The following TRAPPC6B variants were observed in gnomAD, a reference collection of about 807,000 sequenced individuals.
The protein encoded by TRAPPC6B is trafficking protein particle complex subunit 6B.
TRAPPC6B carries 27 observed loss-of-function variants against 24.7 expected under a neutral mutation model. That is an observed-to-expected ratio of 1.09 (90% CI 0.81 to 1.51). TRAPPC6B has a LOEUF of 1.51. Among genes scored for constraint, TRAPPC6B ranks in the 40% most tolerant of loss-of-function variants. The pLI is 0.00. For synonymous variants in TRAPPC6B, 80 were observed against 66.6 expected (o/e 1.20, Z -0.98); for missense variants, 212 against 190.8 (o/e 1.11, Z -0.66).
chr14:39,154,983 G>A (rs1369288134), intron 3 of TRAPPC6B, among the ~76,000 whole-genome samples: 6 of 151,966 alleles, frequency 3.9e-5, no homozygotes, highest in Non-Finnish European at 7.4e-5. Context: ...GCTGGAGTGT[G>A]GTGGTGCAAT....
At chr14:39,154,137 G>T in intron 4 of TRAPPC6B, 74 bp downstream of exon 4, 1 of 873,330 alleles carries the variant, frequency 1.1e-6, no homozygotes, top group Non-Finnish European at 1.8e-6. Flanking sequence ...TCAATAGTTT[G>T]TTATGATTAG....
chr14:39,160,627 G>GAGGGA lies in TRAPPC6B; in HGVS notation c.82-1082_82-1078dup, dbSNP rs540667240. The stretch of plus-strand genomic sequence containing the variant: ...AAGAAAAGAAGAGGGGAGGGGAGGG[G>GAGGGA]AGGGAAGGGAAGGGAAGGGAGAAAG... On this transcript the variant is annotated intron_variant, in intron 1 of 5. Transcript: ENST00000330149. Among the ~76,000 whole-genome samples the GAGGGA allele has an allele frequency of 5.6e-4, 82 of 147,594 alleles. No homozygotes were observed. In the South Asian group the frequency reaches 8.4e-3, roughly 15 times the overall value.
At chr14:39,164,025 G>T (rs1340322839) in intron 1 of TRAPPC6B, among the ~76,000 whole-genome samples, 1 of 151,088 alleles carries the variant, frequency 6.6e-6, no homozygotes, top group African/African-American at 2.5e-5. Flanking sequence ...TCTTTTACAA[G>T]CTTTTCAAAA....
chr14:39,150,380 G>A lies in TRAPPC6B; in HGVS notation c.447C>T (p.Cys149=). The A allele has an allele frequency of 6.4e-7, 1 of 1,571,144 alleles. No individual in the cohort carries two copies. The change falls in exon 6 of 6, where the codon TGC becomes TGT. Residue 149 remains cysteine (C), a splice_region_variant and synonymous_variant. Transcript: ENST00000330149. ...VTAEVSSMPA[C]KFQVMIQKL Reference sequence around the variant, plus strand: ...GCTTCTGTATCATCACCTGAAATTTGCCTAAAAAAAAAAATACAAATAATT... The same window carrying A: ...GCTTCTGTATCATCACCTGAAATTTACCTAAAAAAAAAAATACAAATAATT...
Position 39,149,159 on chromosome 14 carries a change from A to AACTTGAGGCTTCTG in TRAPPC6B, c.*1190_*1191insCAGAAGCCTCAAGT, listed in dbSNP as rs1468006298. The AACTTGAGGCTTCTG allele has an allele frequency of 6.1e-6, 1 of 163,242 alleles. No homozygotes were observed. The highest frequency in any genetic ancestry group is 1.7e-4 in the East Asian group (1 of 5,842). 10.1% of individuals were successfully genotyped at this position (163,242 alleles called of 1,614,324 possible). A position where few individuals can be genotyped will look rare whatever the true frequency, so the allele number is the denominator to read the frequency against. ...CATGAAAGGAAAATGGTATGCTTCT[A>AACTTGAGGCTTCTG]ACTTGAGTTTTCTTTAATGTCCTAA... On this transcript the variant is annotated 3_prime_UTR_variant, in exon 6 of 6. Coordinates refer to ENST00000330149, the MANE Select transcript of TRAPPC6B (RefSeq NM_001079537.2).
Position 39,170,144 on chromosome 14 carries a change from G to A in TRAPPC6B, c.-49C>T. Reference sequence around the variant, plus strand: ...CGAGTTTTGGCTCCCGTTTGAGCTGGTCTGGGGGTTCCAGCTCGCGCCTCA... The same window carrying A: ...CGAGTTTTGGCTCCCGTTTGAGCTGATCTGGGGGTTCCAGCTCGCGCCTCA... On this transcript the variant is annotated 5_prime_UTR_variant, in exon 1 of 6. Transcript: ENST00000330149. 6.3e-7 allele frequency: 1 copy of A among 1,590,396 alleles called. No individual in the cohort carries two copies. Among genetic ancestry groups the A allele is most frequent in the Non-Finnish European group, 8.6e-7 (1 of 1,163,846 alleles).
intron 5 of TRAPPC6B, 54 bp downstream of exon 5, chr14:39,151,691 AC>A (rs756292842): frequency 9.1e-6 from 12 of 1,315,502 alleles, no homozygotes; most frequent in East Asian, 7.1e-5. Context: ...AAAAAAAAAA[AC>A]AGACCTGAAA....
Position 39,148,564 on chromosome 14 carries a change from A to C in TRAPPC6B, c.*1786T>G. ...ATTTGAACCCAGCTTTTTCACACAC[A>C]CAATTCTCACACCTGTTTTATTTTG... On this transcript the variant is annotated 3_prime_UTR_variant, in exon 6 of 6. Coordinates refer to ENST00000330149, the MANE Select transcript of TRAPPC6B (RefSeq NM_001079537.2). The C allele has an allele frequency of 2.5e-6, 1 of 398,100 alleles. No homozygotes were observed. 24.7% of individuals were successfully genotyped at this position (398,100 alleles called of 1,614,324 possible).
intron 3 of TRAPPC6B, among the ~76,000 whole-genome samples, chr14:39,156,311 A>T (rs1181906629): frequency 3.9e-5 from 6 of 152,216 alleles, no homozygotes; most frequent in African/African-American, 1.4e-4. Flanking sequence ...ATAGTGAGAC[A>T]CTGTCTCTAA....
Position 39,154,393 on chromosome 14 carries a change from T to C in TRAPPC6B, c.268-99A>G, listed in dbSNP as rs1343476483. ...ACAATTTAAGTGTTTTTTAAAGTTA[T>C]TAAAAGTCTCCTTCCCATTGGCCAA... is the stretch of plus-strand genomic sequence containing the variant. On this transcript the variant is annotated intron_variant, in intron 3 of 5. Transcript: ENST00000330149. 8 of 781,564 alleles carry C rather than the reference T, an allele frequency of 1.0e-5. No individual in the cohort carries two copies. In the East Asian group the frequency reaches 1.4e-4, roughly 13 times the overall value. 48.4% of individuals were successfully genotyped at this position (781,564 alleles called of 1,614,324 possible). A position where few individuals can be genotyped will look rare whatever the true frequency, so the allele number is the denominator to read the frequency against.
chr14:39,160,096 G>C (rs930492890), intron 1 of TRAPPC6B, among the ~76,000 whole-genome samples: 1 of 152,030 alleles, frequency 6.6e-6, no homozygotes, highest in South Asian at 2.1e-4. Flanking sequence ...CCAAAGTGCA[G>C]GGATTACAGG....
At chr14:39,169,611 G>A (rs138951132) in intron 1 of TRAPPC6B, among the ~76,000 whole-genome samples, 1 of 152,324 alleles carries the variant, frequency 6.6e-6, no homozygotes, top group African/African-American at 2.4e-5. Context: ...CATTAGGAAT[G>A]AGGAAGGAGG....
At chr14:39,156,913 C>G (rs1366095565) in intron 3 of TRAPPC6B, 1 of 153,718 alleles carries the variant, frequency 6.5e-6, no homozygotes, top group Admixed American at 6.5e-5. Flanking sequence ...GAGTTCGAGA[C>G]CAGCCTGGCC....
intron 3 of TRAPPC6B, chr14:39,157,919 CAA>C (rs1035768285): frequency 3.0e-5 from 5 of 165,436 alleles, no homozygotes; most frequent in African/African-American, 1.2e-4. Flanking sequence ...TCTTCTTCTT[CAA>C]AAAAAAGAAA....
At chr14:39,165,670 G>T (rs1409465099) in intron 1 of TRAPPC6B, among the ~76,000 whole-genome samples, 1 of 143,674 alleles carries the variant, frequency 7.0e-6, no homozygotes, top group African/African-American at 2.4e-5. Context: ...ATGGTAGCAT[G>T]CCCATAGCCC....
chr14:39,150,287 G>T lies in TRAPPC6B; in HGVS notation c.*63C>A. 1.5e-6 allele frequency: 2 copies of T among 1,357,628 alleles called. No individual in the cohort carries two copies. The highest frequency in any genetic ancestry group is 1.3e-5 in the South Asian group (1 of 78,204). 84.1% of individuals were successfully genotyped at this position (1,357,628 alleles called of 1,614,324 possible). A position where few individuals can be genotyped will look rare whatever the true frequency, so the allele number is the denominator to read the frequency against. ...CAATGTAATTAAATCATCACTACTT[G>T]AAATACTTTTACATGAATAATTTAT... On this transcript the variant is annotated 3_prime_UTR_variant, in exon 6 of 6. Transcript: ENST00000330149.
chr14:39,155,079 C>T (rs1019791457), intron 3 of TRAPPC6B, among the ~76,000 whole-genome samples: 5 of 152,056 alleles, frequency 3.3e-5, no homozygotes, highest in African/African-American at 1.2e-4. Context: ...CAGACACATG[C>T]CACCACACCC....
chr14:39,156,147 C>A (rs762711737), intron 3 of TRAPPC6B, among the ~76,000 whole-genome samples: 1 of 152,108 alleles, frequency 6.6e-6, no homozygotes, highest in Non-Finnish European at 1.5e-5. Flanking sequence ...ATAGTCATTT[C>A]TTCCTATTAG....
chr14:39,170,149 G>A lies in TRAPPC6B; in HGVS notation c.-54C>T. 1 of 1,575,954 alleles carries A rather than the reference G, an allele frequency of 6.3e-7. No homozygotes were observed. The highest frequency in any genetic ancestry group is 8.7e-7 in the Non-Finnish European group (1 of 1,150,822). ...TTTGGCTCCCGTTTGAGCTGGTCTG[G>A]GGGTTCCAGCTCGCGCCTCAGCGAC... On this transcript the variant is annotated 5_prime_UTR_variant, in exon 1 of 6. Coordinates refer to ENST00000330149, the MANE Select transcript of TRAPPC6B (RefSeq NM_001079537.2).
Sources: allele counts gnomAD v4.1 joint callset (sites outside exome capture counted in the v4.1 genomes callset), GRCh38; gene constraint gnomAD v4.1.1; transcripts MANE v1.5; gene names NCBI Gene and HGNC (gene_info 2026-07-23, HGNC 2026-07-21).